Variants in SLC4A4 observed in about 807,000 individuals in gnomAD.
SLC4A4 encodes electrogenic sodium bicarbonate cotransporter 1.
In SLC4A4, 27 loss-of-function variants were observed where a neutral mutation model predicts 111.5. The observed-to-expected ratio is 0.24, with a 90% confidence interval of 0.18 to 0.33. SLC4A4 has a LOEUF of 0.33. Among genes scored for constraint, SLC4A4 ranks in the 10% least tolerant of loss-of-function variants. The pLI is 1.00. For synonymous variants in SLC4A4, 443 were observed against 463.4 expected, an observed-to-expected ratio of 0.96 and a Z score of 0.57; for missense variants, 909 against 1,315.5, an observed-to-expected ratio of 0.69 and a Z score of 4.78.
At chr4:71,179,455 C>A (rs1287030092) in intron 2 of SLC4A4, among the ~76,000 whole-genome samples, 1 of 152,048 alleles carries the variant, frequency 6.6e-6, no homozygotes, top group Non-Finnish European at 1.5e-5. Flanking sequence ...TCTAGAAAAC[C>A]CCATCGTCTC....
chr4:71,510,136 T>C (rs895808799), intron 16 of SLC4A4, among the ~76,000 whole-genome samples: 33 of 152,286 alleles, frequency 2.2e-4, no homozygotes, highest in African/African-American at 7.9e-4. Context: ...CAAGGACTTC[T>C]GGTATCTCTG....
intron 7 of SLC4A4, among the ~76,000 whole-genome samples, chr4:71,416,319 A>G (rs149896762): frequency 2.6e-4 from 40 of 152,368 alleles, no homozygotes; most frequent in African/African-American, 9.6e-4. Flanking sequence ...GTGATTTTTC[A>G]TATACTGTGA....
chr4:71,475,241 T>C (rs1252020027), intron 14 of SLC4A4, among the ~76,000 whole-genome samples: 1 of 151,772 alleles, frequency 6.6e-6, no homozygotes, highest in Non-Finnish European at 1.5e-5. Context: ...AAAAAACATC[T>C]AATGTCAACC....
chr4:71,220,941 C>G (rs1392655007), intron 1 of SLC4A4, among the ~76,000 whole-genome samples: 1 of 152,174 alleles, frequency 6.6e-6, no homozygotes, highest in African/African-American at 2.4e-5. Context: ...TGTCATTTAG[C>G]TCCCACTTAC....
intron 6 of SLC4A4, among the ~76,000 whole-genome samples, chr4:71,375,002 C>G (rs1239089668): frequency 6.6e-6 from 1 of 152,176 alleles, no homozygotes; most frequent in Non-Finnish European, 1.5e-5. Flanking sequence ...GATTATACCT[C>G]CAGTATACCA....
intron 2 of SLC4A4, among the ~76,000 whole-genome samples, chr4:71,162,143 T>C (rs1338750368): frequency 6.6e-6 from 1 of 152,200 alleles, no homozygotes; most frequent in African/African-American, 2.4e-5. Flanking sequence ...TTCAATATGT[T>C]TGGTGGACTG....
intron 3 of SLC4A4, among the ~76,000 whole-genome samples, chr4:71,283,508 G>A (rs1478214891): frequency 1.3e-5 from 2 of 152,056 alleles, no homozygotes; most frequent in African/African-American, 2.4e-5. Context: ...GGGTGTGAAG[G>A]CCACTCTTCT....
chr4:71,497,158 A>C (rs551818092), intron 15 of SLC4A4, among the ~76,000 whole-genome samples: 1 of 152,138 alleles, frequency 6.6e-6, no homozygotes, highest in Non-Finnish European at 1.5e-5. Flanking sequence ...AGAGTCTTAC[A>C]TTTTGAGACT....
At chr4:71,564,019 A>T in intron 24 of SLC4A4, 130 bp downstream of exon 24, 7 of 676,478 alleles carry the variant, frequency 1.0e-5, no homozygotes, top group Non-Finnish European at 1.3e-5. Flanking sequence ...GAAGATTTAC[A>T]CTTAATTATA....
chr4:71,199,113 G>A (rs1357883649), intron 1 of SLC4A4, among the ~76,000 whole-genome samples: 1 of 152,128 alleles, frequency 6.6e-6, no homozygotes, highest in East Asian at 1.9e-4. Flanking sequence ...TCATTTTGTA[G>A]AATAATTTCC....
intron 16 of SLC4A4, among the ~76,000 whole-genome samples, chr4:71,518,648 A>T: frequency 6.6e-6 from 1 of 152,026 alleles, no homozygotes; most frequent in East Asian, 1.9e-4. Flanking sequence ...AGGGCCATAG[A>T]GTCTGGCCTG....
chr4:71,543,332 C>T (rs562744524), intron 18 of SLC4A4, among the ~76,000 whole-genome samples: 1 of 152,136 alleles, frequency 6.6e-6, no homozygotes, highest in East Asian at 1.9e-4. Context: ...CAGGTAGGGC[C>T]TTCAGGTCAC....
chr4:71,294,835 A>G (rs138985411), intron 3 of SLC4A4, among the ~76,000 whole-genome samples: 386 of 152,352 alleles, frequency 2.5e-3, no homozygotes, highest in Middle Eastern at 0.014. Flanking sequence ...GGTGCCCATA[A>G]TTGTTATAAA....
chr4:71,073,235 T>C (rs2148931032), intron 1 of SLC4A4, among the ~76,000 whole-genome samples: 1 of 152,370 alleles, frequency 6.6e-6, no homozygotes, highest in African/African-American at 2.4e-5. Context: ...GAAGTTTATC[T>C]CTTCCTTTGC....
intron 2 of SLC4A4, among the ~76,000 whole-genome samples, chr4:71,109,790 TCCTCGG>T (rs1469693432): frequency 6.6e-6 from 1 of 152,064 alleles, no homozygotes; most frequent in Non-Finnish European, 1.5e-5. Flanking sequence ...TGATCTGTCG[TCCTCGG>T]CCTCCCGAAG....
At chr4:71,102,823 A>G (rs1484265531) in intron 2 of SLC4A4, among the ~76,000 whole-genome samples, 1 of 152,012 alleles carries the variant, frequency 6.6e-6, no homozygotes, top group Non-Finnish European at 1.5e-5. Context: ...ATCATGCCAA[A>G]ATGTAAAGAC....
At chr4:71,395,771 C>T (rs767745261) in intron 6 of SLC4A4, among the ~76,000 whole-genome samples, 2 of 152,116 alleles carry the variant, frequency 1.3e-5, no homozygotes, top group Non-Finnish European at 2.9e-5. Context: ...TAATGGAAAA[C>T]TGCTTTAAAT....
intron 4 of SLC4A4, among the ~76,000 whole-genome samples, chr4:71,343,553 C>T (rs746693223): frequency 7.0e-4 from 107 of 152,202 alleles, no homozygotes; most frequent in Non-Finnish European, 2.8e-4. Context: ...GAGCCAGAAA[C>T]ATTGGAGTCT....
At chr4:71,429,859 C>A (rs1016848812) in intron 7 of SLC4A4, among the ~76,000 whole-genome samples, 3 of 152,140 alleles carry the variant, frequency 2.0e-5, no homozygotes, top group Non-Finnish European at 4.4e-5. Flanking sequence ...GATATGAAAG[C>A]CGTATATTCT....
Sources: allele counts gnomAD v4.1 joint callset (sites outside exome capture counted in the v4.1 genomes callset), GRCh38; gene constraint gnomAD v4.1.1; transcripts MANE v1.5; gene names NCBI Gene and HGNC (gene_info 2026-07-23, HGNC 2026-07-21).